The following CFHR4 variants were observed in gnomAD, a reference collection of about 807,000 sequenced individuals.
The protein encoded by CFHR4 is complement factor H related 4, also known as complement factor H-related protein 4.
In CFHR4, 64 loss-of-function variants were observed where a neutral mutation model predicts 69.3. That is an observed-to-expected ratio of 0.92 (90% confidence interval 0.76 to 1.14). CFHR4 has a LOEUF of 1.14. Ranked by LOEUF, CFHR4 falls within the 50% of genes most tolerant of loss-of-function variation. The probability of loss-of-function intolerance (pLI) is 0.00; values close to 1 mark genes in which losing one functional copy is unlikely to be tolerated. For missense variants in CFHR4, 636 were observed against 684.9 expected (o/e 0.93, Z 0.80); for synonymous variants, 244 against 237.0 (o/e 1.03, Z -0.27).
In CFHR4 at chr1:196,910,464, C is replaced by G; in HGVS notation, c.983C>G (p.Thr328Arg). 6.2e-7 allele frequency: 1 copy of G among 1,611,962 alleles called. No homozygotes were observed. Among genetic ancestry groups the G allele is most frequent in the Non-Finnish European group, 8.5e-7 (1 of 1,179,000 alleles). ...TGCACACAAGATGGGTGGTTGCCAA[C>G]AGTCCCATGCCTCAGTAAGCAAACC... ...IHCTQDGWLP[T>R]VPCLRTCSKS... is the part of the protein sequence containing the mutation. The change falls in exon 6 of 10, where the codon ACA (threonine) becomes AGA (arginine). Residue 328 changes from threonine to arginine, a missense_variant. Thr to Arg is a moderately conservative substitution (Grantham distance 71). Around this residue, in one of 3 missense-constraint regions of CFHR4, gnomAD observed 529 missense variants for 533.2 expected, o/e 0.99. Transcript: ENST00000608469.
At chr1:196,909,676 G>A (rs1658128537) in intron 5 of CFHR4, among the ~76,000 whole-genome samples, 1 of 151,152 alleles carries the variant, frequency 6.6e-6, no homozygotes, top group African/African-American at 2.4e-5. Flanking sequence ...GAGAGAAGAG[G>A]AGTGAATGAT....
chr1:196,898,292 G>A (rs143965855), intron 1 of CFHR4, among the ~76,000 whole-genome samples: 11 of 151,412 alleles, frequency 7.3e-5, no homozygotes, highest in African/African-American at 1.9e-4. Flanking sequence ...GGGTACCTAC[G>A]TGCTCCAGGA....
At chr1:196,902,242 A>C (rs189497007) in intron 1 of CFHR4, among the ~76,000 whole-genome samples, 176 bp from the exon 2 acceptor site, 4 of 151,660 alleles carry the variant, frequency 2.6e-5, no homozygotes, top group Admixed American at 2.6e-4. Context: ...TTCAATCTTC[A>C]TTAGCAAACA....
intron 1 of CFHR4, among the ~76,000 whole-genome samples, chr1:196,896,197 T>C (rs1657286387): frequency 6.6e-6 from 1 of 150,980 alleles, no homozygotes; most frequent in Admixed American, 6.6e-5. Context: ...TTCTACATGT[T>C]TGTTGAGGGG....
chr1:196,888,318 C>T, intron 1 of CFHR4, 110 bp downstream of exon 1: 1 of 1,043,002 alleles, frequency 9.6e-7, no homozygotes, highest in Non-Finnish European at 1.4e-6. Flanking sequence ...GATATATTCA[C>T]TATGCTAGCA....
chr1:196,889,503 T>C (rs904131134), intron 1 of CFHR4, among the ~76,000 whole-genome samples: 1 of 151,536 alleles, frequency 6.6e-6, no homozygotes, highest in Non-Finnish European at 1.5e-5. Flanking sequence ...AAGAAAAGAA[T>C]GCTGACAAAT....
chr1:196,896,813 C>T (rs1306592156), intron 1 of CFHR4, among the ~76,000 whole-genome samples: 1 of 151,606 alleles, frequency 6.6e-6, no homozygotes, highest in Non-Finnish European at 1.5e-5. Flanking sequence ...GTGTTTCCTC[C>T]TCCGCCATCT....
chr1:196,912,818 A>G lies in CFHR4; in HGVS notation c.1076A>G (p.Glu359Gly). ...TCCTCTATTTATATTTTAAATAAAG[A>G]AATACAATATAAATGTAAACCAGGA... ...ESSSIYILNK[E>G]IQYKCKPGYA... The change falls in exon 7 of 10, where the codon GAA becomes GGA. Residue 359 changes from glutamate (E) to glycine (G), a missense_variant. Physicochemically the swap from Glu to Gly is moderately conservative, Grantham distance 98. Around this residue, in one of 3 missense-constraint regions of CFHR4, gnomAD observed 529 missense variants for 533.2 expected, o/e 0.99. Coordinates refer to ENST00000608469, the MANE Select transcript of CFHR4 (RefSeq NM_001201550.3). The G allele has an allele frequency of 1.9e-6, 3 of 1,605,402 alleles. No homozygotes were observed. The highest frequency in any genetic ancestry group is 2.6e-6 in the Non-Finnish European group (3 of 1,176,142).
intron 1 of CFHR4, among the ~76,000 whole-genome samples, chr1:196,890,820 C>A (rs942277554): frequency 2.0e-5 from 3 of 151,536 alleles, no homozygotes; most frequent in Admixed American, 2.0e-4. Context: ...AGGTTCCAGG[C>A]TTTCCTTGAC....
rs1479664349 is a variant in CFHR4, at chr1:196,918,190, G to A, written c.1541-20G>A. 1 of 1,595,956 alleles carries A rather than the reference G, an allele frequency of 6.3e-7. No individual in the cohort carries two copies. The highest frequency in any genetic ancestry group is 8.6e-7 in the Non-Finnish European group (1 of 1,168,736). ...AAAGGCAAGATTATGATTGTTAATT[G>A]TTTCTTTTTCTGCTTTCAGATCCAT... On this transcript the variant is annotated intron_variant, in intron 9 of 9. Transcript: ENST00000608469.
At chr1:196,898,868 T>G in intron 1 of CFHR4, among the ~76,000 whole-genome samples, 1 of 151,466 alleles carries the variant, frequency 6.6e-6, no homozygotes, top group Admixed American at 6.6e-5. Context: ...TCCCAGTACC[T>G]TACCACATTG....
intron 5 of CFHR4, among the ~76,000 whole-genome samples, chr1:196,908,696 T>G (rs1033359509): frequency 6.6e-6 from 1 of 151,428 alleles, no homozygotes; most frequent in Non-Finnish European, 1.5e-5. Flanking sequence ...GCCACAAATT[T>G]CTACTAGCCT....
intron 1 of CFHR4, among the ~76,000 whole-genome samples, chr1:196,893,204 G>GTT (rs1019449853): frequency 2.0e-5 from 3 of 151,698 alleles, no homozygotes; most frequent in Admixed American, 6.6e-5. Flanking sequence ...AAATTGTAGC[G>GTT]TAAGAAGCAT....
At chr1:196,895,886 C>T (rs1208683559) in intron 1 of CFHR4, among the ~76,000 whole-genome samples, 1 of 151,576 alleles carries the variant, frequency 6.6e-6, no homozygotes, top group Non-Finnish European at 1.5e-5. Context: ...TCAGATTCTC[C>T]TCCTTCTACA....
At chr1:196,902,712 G>A (rs1028403215) in intron 2 of CFHR4, 97 bp downstream of exon 2, 4 of 913,592 alleles carry the variant, frequency 4.4e-6, no homozygotes, top group Non-Finnish European at 6.6e-6. Context: ...ACAGAAATAG[G>A]ACCAAAGGAA....
chr1:196,902,321 C>A, intron 1 of CFHR4, 97 bp from the exon 2 acceptor site: 1 of 885,852 alleles, frequency 1.1e-6, no homozygotes, highest in Non-Finnish European at 1.7e-6. Flanking sequence ...ATTCATTACA[C>A]TAAGAAGAGA....
At chr1:196,911,544 C>T (rs1268109583) in intron 6 of CFHR4, among the ~76,000 whole-genome samples, 1 of 151,468 alleles carries the variant, frequency 6.6e-6, no homozygotes, top group East Asian at 1.9e-4. Context: ...TCAGTTATAG[C>T]TGACTTTCAC....
intron 1 of CFHR4, among the ~76,000 whole-genome samples, chr1:196,892,809 A>G (rs1657102971): frequency 6.6e-6 from 1 of 151,542 alleles, no homozygotes; most frequent in Non-Finnish European, 1.5e-5. Flanking sequence ...GAAGCATTCA[A>G]GTCAAAAAGA....
intron 9 of CFHR4, among the ~76,000 whole-genome samples, chr1:196,917,982 C>T (rs2124982391): frequency 6.6e-6 from 1 of 151,628 alleles, no homozygotes; most frequent in African/African-American, 2.4e-5. Flanking sequence ...TGCCAGGGTT[C>T]ACGTTTATCA....
Sources: allele counts gnomAD v4.1 joint callset (sites outside exome capture counted in the v4.1 genomes callset), GRCh38; gene constraint gnomAD v4.1.1; regional missense constraint gnomAD v4.1.1; transcripts MANE v1.5; gene names NCBI Gene and HGNC (gene_info 2026-07-23, HGNC 2026-07-21).